AGBL4: variants seen among roughly 807,000 people sequenced by gnomAD.
AGBL4 encodes the protein AGBL carboxypeptidase 4.
A neutral mutation model predicts 66.4 loss-of-function variants in AGBL4; 58 were observed. The observed-to-expected ratio is 0.87, with a 90% CI of 0.71 to 1.09. AGBL4 has a LOEUF of 1.09. Ranked by LOEUF, AGBL4 falls within the 50% of genes least tolerant of loss-of-function variation. The probability of loss-of-function intolerance (pLI) is 0.00; values close to 1 mark genes in which losing one functional copy is unlikely to be tolerated. For synonymous variants in AGBL4, 234 were observed against 222.9 expected (o/e 1.05, Z -0.44); for missense variants, 579 against 631.0 (o/e 0.92, Z 0.88).
At chr1:49,362,800 G>C (rs1644168509) in intron 3 of AGBL4, among the ~76,000 whole-genome samples, 1 of 152,094 alleles carries the variant, frequency 6.6e-6, no homozygotes, top group Non-Finnish European at 1.5e-5. Context: ...TTAGAATGTG[G>C]GTGTCTCAAT....
At chr1:49,682,819 C>T (rs1481124912) in intron 3 of AGBL4, among the ~76,000 whole-genome samples, 4 of 152,156 alleles carry the variant, frequency 2.6e-5, no homozygotes, top group Admixed American at 2.6e-4. Context: ...TGAACCTGTC[C>T]TAGGAAGACA....
chr1:49,656,166 A>C (rs1317030822), intron 3 of AGBL4, among the ~76,000 whole-genome samples: 1 of 152,064 alleles, frequency 6.6e-6, no homozygotes, highest in Non-Finnish European at 1.5e-5. Context: ...AAAAATGATA[A>C]AGGGGATCCC....
chr1:49,856,853 A>G (rs1646446624), intron 1 of AGBL4, among the ~76,000 whole-genome samples: 1 of 152,106 alleles, frequency 6.6e-6, no homozygotes, highest in Non-Finnish European at 1.5e-5. Flanking sequence ...CTCTTACTCA[A>G]CATGGTACTG....
At chr1:49,031,562 C>T (rs1664229256) in intron 5 of AGBL4, among the ~76,000 whole-genome samples, 1 of 151,892 alleles carries the variant, frequency 6.6e-6, no homozygotes, top group Non-Finnish European at 1.5e-5. Flanking sequence ...AATAAAAACA[C>T]AAAAAATAAT....
At chr1:49,112,413 C>T (rs967382604) in intron 4 of AGBL4, among the ~76,000 whole-genome samples, 1 of 152,202 alleles carries the variant, frequency 6.6e-6, no homozygotes, top group Admixed American at 6.5e-5. Context: ...GATCAGGGTG[C>T]TATTGTTGAA....
chr1:49,371,032 C>T (rs1644329487), intron 3 of AGBL4, among the ~76,000 whole-genome samples: 1 of 152,058 alleles, frequency 6.6e-6, no homozygotes, highest in Non-Finnish European at 1.5e-5. Flanking sequence ...TCACCTGTAC[C>T]ATCAGCTCTT....
intron 3 of AGBL4, among the ~76,000 whole-genome samples, chr1:49,679,137 T>C (rs1646639706): frequency 6.6e-6 from 1 of 152,168 alleles, no homozygotes; most frequent in Admixed American, 6.5e-5. Flanking sequence ...GAGAGGGGTG[T>C]TGAAGTCTTT....
chr1:49,356,173 G>A lies in AGBL4; in HGVS notation c.283-110309C>T, dbSNP rs12046390. On this transcript the variant is annotated intron_variant, in intron 3 of 13. Coordinates refer to ENST00000371839, the MANE Select transcript of AGBL4 (RefSeq NM_032785.4). Reference sequence around the variant, plus strand: ...CTCCCCCAAAATTAGGATCCTGGGGGGATCAGAAGAAACCTATCTTATATC... The same window carrying A: ...CTCCCCCAAAATTAGGATCCTGGGGAGATCAGAAGAAACCTATCTTATATC... Among the ~76,000 whole-genome samples the A allele has an allele frequency of 8.0e-3, 1,214 of 152,176 alleles. 8 individuals are homozygous for A. The highest frequency in any genetic ancestry group is 0.031 in the Middle Eastern group (9 of 294).
At chr1:48,674,307 T>A (rs1234151730) in intron 6 of AGBL4, among the ~76,000 whole-genome samples, 1 of 152,202 alleles carries the variant, frequency 6.6e-6, no homozygotes, top group Non-Finnish European at 1.5e-5. Context: ...TTGAGTGATG[T>A]CTGCTGGGGA....
At chr1:49,701,784 A>G (rs1647098977) in intron 2 of AGBL4, among the ~76,000 whole-genome samples, 1 of 152,164 alleles carries the variant, frequency 6.6e-6, no homozygotes, top group African/African-American at 2.4e-5. Context: ...GTAAAATCAG[A>G]AATTAAACAG....
At chr1:48,958,897 A>G (rs989270048) in intron 5 of AGBL4, among the ~76,000 whole-genome samples, 27 of 152,138 alleles carry the variant, frequency 1.8e-4, no homozygotes, top group Non-Finnish European at 3.7e-4. Flanking sequence ...ACTTAGTTCT[A>G]TGTCATTCTC....
chr1:49,458,603 G>A (rs902038370), intron 3 of AGBL4, among the ~76,000 whole-genome samples: 1 of 151,708 alleles, frequency 6.6e-6, no homozygotes, highest in African/African-American at 2.4e-5. Context: ...AATAGAAGTG[G>A]TGAAAGTGGG....
chr1:49,886,687 G>C (rs1025780584), intron 1 of AGBL4, among the ~76,000 whole-genome samples: 4 of 152,164 alleles, frequency 2.6e-5, no homozygotes, highest in African/African-American at 9.6e-5. Context: ...CTGTCATGCA[G>C]AAGCAGAGAC....
intron 1 of AGBL4, among the ~76,000 whole-genome samples, chr1:49,937,079 T>A (rs1246623986): frequency 6.6e-6 from 1 of 152,174 alleles, no homozygotes; most frequent in East Asian, 1.9e-4. Context: ...ATCAGTGTGC[T>A]GTATTCAGGA....
chr1:48,880,610 G>GC (rs776740273), intron 5 of AGBL4, among the ~76,000 whole-genome samples: 9 of 152,104 alleles, frequency 5.9e-5, no homozygotes, highest in Non-Finnish European at 1.0e-4. Context: ...CCTGTTCACT[G>GC]CATCCATGCC....
intron 3 of AGBL4, among the ~76,000 whole-genome samples, chr1:49,317,012 G>A (rs567524703): frequency 6.6e-6 from 1 of 151,632 alleles, no homozygotes; most frequent in South Asian, 2.1e-4. Context: ...TAATTATTAA[G>A]AAAAAAACAT....
intron 3 of AGBL4, among the ~76,000 whole-genome samples, chr1:49,622,967 T>C (rs1645396298): frequency 6.6e-6 from 1 of 152,170 alleles, no homozygotes; most frequent in Non-Finnish European, 1.5e-5. Context: ...CCCCACTCAA[T>C]TCCTCTGCAG....
At chr1:48,788,423 A>G (rs1302929657) in intron 6 of AGBL4, among the ~76,000 whole-genome samples, 1 of 152,210 alleles carries the variant, frequency 6.6e-6, no homozygotes, top group Non-Finnish European at 1.5e-5. Flanking sequence ...CCTGGCAAAC[A>G]AAGGCAGTCT....
At chr1:48,741,508 C>T (rs1472905404) in intron 6 of AGBL4, among the ~76,000 whole-genome samples, 1 of 152,194 alleles carries the variant, frequency 6.6e-6, no homozygotes, top group African/African-American at 2.4e-5. Flanking sequence ...TGTGGCCTGG[C>T]CCATCAGCTT....
Sources: gnomAD v4.1 joint callset for allele counts (sites outside exome capture counted in the v4.1 genomes callset) on GRCh38, gnomAD v4.1.1 for gene constraint, MANE v1.5 for transcripts, NCBI Gene and HGNC (gene_info 2026-07-23, HGNC 2026-07-21) for gene names.